TMTC1: variants seen among roughly 807,000 people sequenced by gnomAD.
TMTC1 encodes the protein protein O-mannosyl-transferase TMTC1.
Under a neutral mutation model 104.8 loss-of-function variants are expected in TMTC1, and 73 were observed. That is an observed-to-expected ratio of 0.70 (90% CI 0.58 to 0.85). TMTC1 has a LOEUF of 0.85. Ranked by LOEUF, TMTC1 falls within the 40% of genes least tolerant of loss-of-function variation. TMTC1 has a pLI of 0.00. For synonymous variants in TMTC1, 434 were observed against 428.7 expected, an observed-to-expected ratio of 1.01 and a Z score of -0.15; for missense variants, 1,035 against 1,096.1, an observed-to-expected ratio of 0.94 and a Z score of 0.79.
intron 15 of TMTC1, 63 bp downstream of exon 15, chr12:29,516,286 A>C (rs1943983440): frequency 6.5e-7 from 1 of 1,543,482 alleles, no homozygotes; most frequent in Admixed American, 1.9e-5. Context: ...CTGGAGAATC[A>C]CTTAGGTGCA....
At chr12:29,615,399 CCCT>C in intron 6 of TMTC1, among the ~76,000 whole-genome samples, 1 of 152,128 alleles carries the variant, frequency 6.6e-6, no homozygotes, top group Middle Eastern at 3.2e-3. Context: ...CAAGAAAACT[CCCT>C]CGAGTGCCTT....
chr12:29,674,235 T>C (rs1940636311), intron 5 of TMTC1, among the ~76,000 whole-genome samples: 1 of 152,094 alleles, frequency 6.6e-6, no homozygotes, highest in African/African-American at 2.4e-5. Context: ...CCTTTTAGCC[T>C]CCCTAGGTCA....
At chr12:29,624,904 GT>G (rs2136474310) in intron 6 of TMTC1, among the ~76,000 whole-genome samples, 1 of 152,222 alleles carries the variant, frequency 6.6e-6, no homozygotes, top group South Asian at 2.1e-4. Context: ...ATAAGCCAAG[GT>G]TGTTTTCTAT....
At position 29,506,838 on chromosome 12, in the gene TMTC1, C is replaced by T. The variant is rs367867815; in HGVS notation, c.*8G>A. On this transcript the variant is annotated 3_prime_UTR_variant, in exon 18 of 18. Transcript: ENST00000539277. The stretch of plus-strand genomic sequence containing the variant: ...CATTATCCTATGAGGTTGGGTCAGA[C>T]GGTGGTGCTATGTTTGATCCTTTTC... 1.7e-4 allele frequency: 270 copies of T among 1,613,982 alleles called. No individual in the cohort carries two copies. Among genetic ancestry groups the T allele is most frequent in the Non-Finnish European group, 1.9e-4 (230 of 1,179,906 alleles).
chr12:29,534,048 T>C (rs147875245), intron 11 of TMTC1: 1 of 152,314 alleles, frequency 6.6e-6, no homozygotes, highest in African/African-American at 2.4e-5. Context: ...GTGTTACATG[T>C]TGCCCAAGGT....
intron 9 of TMTC1, among the ~76,000 whole-genome samples, chr12:29,566,228 C>G (rs1220595481): frequency 6.6e-6 from 1 of 152,022 alleles, no homozygotes; most frequent in Admixed American, 6.5e-5. Context: ...GAGGAAAGAA[C>G]AGAACGCAGA....
At chr12:29,775,052 A>G (rs1030534053) in intron 1 of TMTC1, among the ~76,000 whole-genome samples, 2 of 152,174 alleles carry the variant, frequency 1.3e-5, no homozygotes, top group Non-Finnish European at 2.9e-5. Context: ...TAGAGTAATA[A>G]CTGTACTAAA....
At chr12:29,507,068 C>CAGAGGGTCAGTTT in intron 17 of TMTC1, 82 bp from the exon 18 acceptor site, 1 of 1,191,152 alleles carries the variant, frequency 8.4e-7, no homozygotes, top group Non-Finnish European at 1.2e-6. Context: ...AGAAACTGAC[C>CAGAGGGTCAGTTT]CTCTGCCCAG....
At position 29,704,051 on chromosome 12, in the gene TMTC1, AC is replaced by A. The variant is rs375154604; in HGVS notation, c.938+47614del. Reference sequence around the variant, plus strand: ...TTGAACCTCTTTTTCTTTATAAATTACCCAGTCCCGGGTATTTCTTCATAGC... The same window carrying A: ...TTGAACCTCTTTTTCTTTATAAATTACCAGTCCCGGGTATTTCTTCATAGC... On this transcript the variant is annotated intron_variant, in intron 5 of 17. Coordinates refer to ENST00000539277, the MANE Select transcript of TMTC1 (RefSeq NM_001193451.2). 3.1e-3 allele frequency among the ~76,000 whole-genome samples: 479 copies of A among 152,248 alleles called. 3 individuals are homozygous for A. The highest frequency in any genetic ancestry group is 0.011 in the African/African-American group (465 of 41,534).
At chr12:29,675,631 C>T (rs966184500) in intron 5 of TMTC1, among the ~76,000 whole-genome samples, 13 of 94,178 alleles carry the variant, frequency 1.4e-4, no homozygotes, top group Non-Finnish European at 5.6e-5. Flanking sequence ...CACACACACA[C>T]CCTCCATGAC....
At chr12:29,573,818 G>A (rs1945746965) in intron 8 of TMTC1, among the ~76,000 whole-genome samples, 1 of 152,032 alleles carries the variant, frequency 6.6e-6, no homozygotes, top group African/African-American at 2.4e-5. Context: ...GAGTCACACT[G>A]GAGACTTCTC....
intron 5 of TMTC1, among the ~76,000 whole-genome samples, chr12:29,638,766 G>T (rs767337558): frequency 6.6e-6 from 1 of 152,030 alleles, no homozygotes; most frequent in Non-Finnish European, 1.5e-5. Context: ...CCGAAGAATC[G>T]AGCCACTCCC....
intron 5 of TMTC1, among the ~76,000 whole-genome samples, chr12:29,723,681 C>T (rs1942301417): frequency 1.3e-5 from 2 of 151,988 alleles, no homozygotes; most frequent in South Asian, 4.2e-4. Flanking sequence ...CACTACAAGC[C>T]AGGGAAACAA....
At chr12:29,757,602 A>G (rs1205885676) in intron 3 of TMTC1, among the ~76,000 whole-genome samples, 1 of 152,148 alleles carries the variant, frequency 6.6e-6, no homozygotes, top group Admixed American at 6.6e-5. Context: ...GCATCTCTCC[A>G]TGAAACTGGG....
intron 9 of TMTC1, 22 bp downstream of exon 9, chr12:29,572,083 A>T (rs1945693662): frequency 6.3e-7 from 1 of 1,589,446 alleles, no homozygotes. Flanking sequence ...CAAGGCCAAC[A>T]CCCTCCCTGT....
At chr12:29,584,254 G>A (rs1247975531) in intron 7 of TMTC1, among the ~76,000 whole-genome samples, 3 of 152,140 alleles carry the variant, frequency 2.0e-5, no homozygotes, top group Non-Finnish European at 4.4e-5. Context: ...GTCTCTAAAA[G>A]CCTTTGGCTT....
chr12:29,749,134 A>T (rs1943027664), intron 5 of TMTC1, among the ~76,000 whole-genome samples: 1 of 152,154 alleles, frequency 6.6e-6, no homozygotes. Context: ...AGAGCCAGTT[A>T]TTAAACAATT....
intron 1 of TMTC1, among the ~76,000 whole-genome samples, chr12:29,770,938 T>C (rs555591882): frequency 5.3e-5 from 8 of 152,162 alleles, no homozygotes; most frequent in Admixed American, 2.6e-4. Context: ...GATGCATGCA[T>C]CACATCTTTA....
intron 6 of TMTC1, chr12:29,613,988 AGGAGAAAGAAC>A (rs1349711582): frequency 2.2e-6 from 2 of 930,032 alleles, no homozygotes; most frequent in African/African-American, 3.6e-5. Context: ...AAAATTAATA[AGGAGAAAGAAC>A]CATAAAAAAG....
Sources: allele counts gnomAD v4.1 joint callset (sites outside exome capture counted in the v4.1 genomes callset), GRCh38; gene constraint gnomAD v4.1.1; transcripts MANE v1.5; gene names NCBI Gene and HGNC (gene_info 2026-07-23, HGNC 2026-07-21).